LTV1: variants seen among roughly 807,000 people sequenced by gnomAD.
The protein encoded by LTV1 is protein LTV1 homolog.
In LTV1, 39 loss-of-function variants were observed where a neutral mutation model predicts 59.9. The observed-to-expected ratio is 0.65, with a 90% CI of 0.50 to 0.85. The LOEUF is 0.85. Ranked by LOEUF, LTV1 falls within the 40% of genes least tolerant of loss-of-function variation. The pLI, the probability that LTV1 is intolerant of heterozygous loss-of-function variation, is 0.00. For missense variants in LTV1, 493 were observed against 549.1 expected (o/e 0.90, Z 1.02); for synonymous variants, 171 against 189.5 (o/e 0.90, Z 0.80).
intron 3 of LTV1, among the ~76,000 whole-genome samples, chr6:143,846,466 G>A (rs569841435): frequency 1.3e-5 from 2 of 151,992 alleles, no homozygotes; most frequent in Middle Eastern, 3.4e-3. Flanking sequence ...TTGATTGATA[G>A]ACATGGCCAT....
In LTV1 at chr6:143,857,534, G is replaced by C; in HGVS notation, c.539+90G>C. On this transcript the variant is annotated intron_variant, in intron 5 of 10. Transcript: ENST00000367576. This position sits in a 1 kb window ranked among gnomAD's most constrained non-coding sequence, Gnocchi z 5.2. ...ACCATAGAACGTTACAGTTGGAAGAGACCTTCAAGAGCATTTAATCTGAGA... is the reference window on the plus strand; with the variant it reads ...ACCATAGAACGTTACAGTTGGAAGACACCTTCAAGAGCATTTAATCTGAGA... The C allele has an allele frequency of 8.1e-7, 1 of 1,235,398 alleles. No individual in the cohort carries two copies. The highest frequency in any genetic ancestry group is 1.4e-5 in the South Asian group (1 of 73,140). The allele number at this position is 1,235,398 out of a possible 1,614,324, so 76.5% of individuals were successfully genotyped here. A position where few individuals can be genotyped will look rare whatever the true frequency, so the allele number is the denominator to read the frequency against.
At chr6:143,851,701 C>T (rs1776985537) in intron 4 of LTV1, among the ~76,000 whole-genome samples, 3 of 152,012 alleles carry the variant, frequency 2.0e-5, no homozygotes, top group African/African-American at 4.8e-5. Context: ...TTAGGCATTT[C>T]TCCTAATGCT....
chr6:143,857,486 G>A lies in LTV1; in HGVS notation c.539+42G>A. 3 of 1,538,068 alleles carry A rather than the reference G, an allele frequency of 2.0e-6. No homozygotes were observed. Among genetic ancestry groups the A allele is most frequent in the Non-Finnish European group, 2.7e-6 (3 of 1,112,506 alleles). On this transcript the variant is annotated intron_variant, in intron 5 of 10. Transcript: ENST00000367576. The surrounding 1 kb of genome is among the most constrained non-coding windows in gnomAD (Gnocchi z 5.2). ...TCAAAGCAGAGATGATGACCTAAGTGTTACTGCTTCAGTGGGATGGTAACC... is the reference window on the plus strand; with the variant it reads ...TCAAAGCAGAGATGATGACCTAAGTATTACTGCTTCAGTGGGATGGTAACC...
chr6:143,846,375 T>G, intron 3 of LTV1, 151 bp downstream of exon 3: 1 of 703,720 alleles, frequency 1.4e-6, no homozygotes. Flanking sequence ...TATGCATGTG[T>G]ATACCATCAG....
At chr6:143,852,894 T>C (rs1373476164) in intron 4 of LTV1, among the ~76,000 whole-genome samples, 2 of 152,220 alleles carry the variant, frequency 1.3e-5, no homozygotes, top group African/African-American at 4.8e-5. Flanking sequence ...TGTGGTGTTA[T>C]TTCTGAGGCC....
At chr6:143,849,776 A>G (rs1220835107) in intron 3 of LTV1, among the ~76,000 whole-genome samples, 1 of 152,142 alleles carries the variant, frequency 6.6e-6, no homozygotes, top group Non-Finnish European at 1.5e-5. Flanking sequence ...AGGTATCAGC[A>G]GGTTTGGTTT....
Position 143,857,651 on chromosome 6 carries a change from G to T in LTV1, c.540-101G>T. On this transcript the variant is annotated intron_variant, in intron 5 of 10. Coordinates refer to ENST00000367576, the MANE Select transcript of LTV1 (RefSeq NM_032860.5). The surrounding 1 kb of genome is among the most constrained non-coding windows in gnomAD (Gnocchi z 5.2). The stretch of plus-strand genomic sequence containing the variant: ...ACCCTCACTCTTCCTGCCTAGACAA[G>T]AACCCTTCCTGAAATACCTTCCAAT... 7.4e-7 allele frequency: 1 copy of T among 1,353,518 alleles called. No individual in the cohort carries two copies. Among genetic ancestry groups the T allele is most frequent in the Non-Finnish European group, 1.0e-6 (1 of 964,186 alleles). 83.8% of individuals were successfully genotyped at this position (1,353,518 alleles called of 1,614,324 possible). A position where few individuals can be genotyped will look rare whatever the true frequency, so the allele number is the denominator to read the frequency against.
At position 143,863,612 on chromosome 6, in the gene LTV1, T is replaced by G. The variant is rs1234273276; in HGVS notation, c.*85T>G. The G allele has an allele frequency of 8.4e-6, 7 of 831,344 alleles. No individual in the cohort carries two copies. In the East Asian group the frequency reaches 1.5e-4, roughly 18 times the overall value. The allele number at this position is 831,344 out of a possible 1,614,324, so 51.5% of individuals were successfully genotyped here. A position where few individuals can be genotyped will look rare whatever the true frequency, so the allele number is the denominator to read the frequency against. ...TAGAAACTTCAGAAAGACAAAACTG[T>G]TTGCCATTTTTACTGGCAGATAAGA... On this transcript the variant is annotated 3_prime_UTR_variant, in exon 11 of 11. Transcript: ENST00000367576. The surrounding 1 kb of genome is among the most constrained non-coding windows in gnomAD (Gnocchi z 4.5).
At position 143,862,735 on chromosome 6, in the gene LTV1, T is replaced by C; in HGVS notation, c.1064-109T>C. ...AAAACATTGATCAGAGACTCCAGTGTTATTTTGCACTATGAAAACACAAGG... is the reference window on the plus strand; with the variant it reads ...AAAACATTGATCAGAGACTCCAGTGCTATTTTGCACTATGAAAACACAAGG... On this transcript the variant is annotated intron_variant, in intron 8 of 10. Transcript: ENST00000367576. The surrounding 1 kb of genome is among the most constrained non-coding windows in gnomAD (Gnocchi z 4.2). 1 of 722,390 alleles carries C rather than the reference T, an allele frequency of 1.4e-6. No individual in the cohort carries two copies. The highest frequency in any genetic ancestry group is 2.5e-6 in the Non-Finnish European group (1 of 398,676). 44.7% of individuals were successfully genotyped at this position (722,390 alleles called of 1,614,324 possible).
intron 6 of LTV1, among the ~76,000 whole-genome samples, chr6:143,858,871 G>GT (rs1013599902): frequency 3.4e-4 from 51 of 152,186 alleles, no homozygotes; most frequent in African/African-American, 1.1e-3. Context: ...TGAAAACAGC[G>GT]TATCTCTTTA....
rs867964030 is a variant in LTV1, at chr6:143,855,026, G to A, written c.398-2277G>A. ...TGTGAATTTTCTGTCTCGTTGATCTGTCTAATATTGACAGTGGGGTGTTAA... is the reference window on the plus strand; with the variant it reads ...TGTGAATTTTCTGTCTCGTTGATCTATCTAATATTGACAGTGGGGTGTTAA... On this transcript the variant is annotated intron_variant, in intron 4 of 10. Transcript: ENST00000367576. This position sits in a 1 kb window ranked among gnomAD's most constrained non-coding sequence, Gnocchi z 4.6. Among the ~76,000 whole-genome samples the A allele has an allele frequency of 6.6e-6, 1 of 152,142 alleles. No individual in the cohort carries two copies. Among genetic ancestry groups the A allele is most frequent in the Non-Finnish European group, 1.5e-5 (1 of 68,020 alleles).
Position 143,862,966 on chromosome 6 carries a change from A to G in LTV1, c.1116+70A>G, listed in dbSNP as rs1777195721. 10 of 1,458,854 alleles carry G rather than the reference A, an allele frequency of 6.9e-6. No homozygotes were observed. Among genetic ancestry groups the G allele is most frequent in the Non-Finnish European group, 9.6e-6 (10 of 1,039,970 alleles). 90.4% of individuals were successfully genotyped at this position (1,458,854 alleles called of 1,614,324 possible). On this transcript the variant is annotated intron_variant, in intron 9 of 10. Transcript: ENST00000367576. The surrounding 1 kb of genome is among the most constrained non-coding windows in gnomAD (Gnocchi z 4.2). ...AAAATAGAGTGCACATTTTCGCACA[A>G]TAACTTTTTATCTTTATGGCTAGAG...
rs762602281 is a variant in LTV1 at position 143,857,444 on chromosome 6, A to G, written c.539A>G (p.Gln180Arg). 85 of 1,613,160 alleles carry G rather than the reference A, an allele frequency of 5.3e-5. No homozygotes were observed. The Middle Eastern group carries it at 2.3e-3, about 44-fold the overall frequency. The part of the protein sequence containing the change: ...ATGEEEGMDI[Q>R]KSENEDDSEW... ...GGAGAGGAAGAGGGAATGGATATAC[A>G]GTATGTGTGGTTTGTTTCAAAGCAG... The change falls in exon 5 of 11, where the codon CAG becomes CGG. Residue 180 changes from glutamine to arginine, a missense_variant and splice_region_variant. Coordinates refer to ENST00000367576, the MANE Select transcript of LTV1 (RefSeq NM_032860.5). The surrounding 1 kb of genome is among the most constrained non-coding windows in gnomAD (Gnocchi z 5.2).
intron 6 of LTV1, among the ~76,000 whole-genome samples, chr6:143,858,854 T>A (rs1306665847): frequency 6.6e-6 from 1 of 152,196 alleles, no homozygotes; most frequent in East Asian, 1.9e-4. Flanking sequence ...CTAAAACTTT[T>A]GAGTGTTGAA....
chr6:143,850,006 C>G (rs1776955609), intron 3 of LTV1, 125 bp from the exon 4 acceptor site: 1 of 654,442 alleles, frequency 1.5e-6, no homozygotes, highest in South Asian at 1.9e-5. Flanking sequence ...TTGAGAGGAC[C>G]CTATTTCAAA....
intron 3 of LTV1, among the ~76,000 whole-genome samples, chr6:143,848,007 T>G (rs570315269): frequency 1.2e-4 from 19 of 152,350 alleles, no homozygotes; most frequent in African/African-American, 4.3e-4. Flanking sequence ...ATGGTGGTGC[T>G]GTTGTGGAAA....
intron 6 of LTV1, chr6:143,858,281 G>A (rs1777112538): frequency 8.9e-6 from 3 of 337,464 alleles, no homozygotes; most frequent in East Asian, 1.1e-4. Context: ...TACATCACAC[G>A]CTTACACCAG....
At chr6:143,849,249 G>A (rs1776943713) in intron 3 of LTV1, among the ~76,000 whole-genome samples, 1 of 152,148 alleles carries the variant, frequency 6.6e-6, no homozygotes, top group African/African-American at 2.4e-5. Context: ...AGATTTCAAG[G>A]GGACATAGGA....
chr6:143,853,998 ATTG>A (rs1285666062), intron 4 of LTV1, among the ~76,000 whole-genome samples: 4 of 151,960 alleles, frequency 2.6e-5, no homozygotes, highest in Non-Finnish European at 5.9e-5. Flanking sequence ...CTCTTTTTCT[ATTG>A]TTTGGAATAG....
Sources: gnomAD v4.1 joint callset for allele counts (sites outside exome capture counted in the v4.1 genomes callset) on GRCh38, gnomAD v4.1.1 for gene constraint, Gnocchi (gnomAD v3.1) non-coding constraint, MANE v1.5 for transcripts, NCBI Gene and HGNC (gene_info 2026-07-23, HGNC 2026-07-21) for gene names.